The following KCNT2 variants were observed in gnomAD, a reference collection of about 807,000 sequenced individuals.
The protein encoded by KCNT2 is potassium sodium-activated channel subfamily T member 2, also known as potassium channel subfamily T member 2.
A neutral mutation model predicts 153.8 loss-of-function variants in KCNT2; 67 were observed. The ratio of observed to expected loss-of-function variants is 0.44; its 90% CI spans 0.36 to 0.53. The LOEUF (loss-of-function observed/expected upper bound fraction) is 0.53. Ranked by LOEUF, KCNT2 falls within the 20% of genes least tolerant of loss-of-function variation. The probability of loss-of-function intolerance (pLI) is 0.00; values close to 1 mark genes in which losing one functional copy is unlikely to be tolerated. For synonymous variants in KCNT2, 500 were observed against 458.8 expected (o/e 1.09, Z -1.15); for missense variants, 975 against 1,354.8 (o/e 0.72, Z 4.40).
chr1:196,365,007 T>G (rs999336629), intron 14 of KCNT2, among the ~76,000 whole-genome samples: 1 of 152,076 alleles, frequency 6.6e-6, no homozygotes, highest in Non-Finnish European at 1.5e-5. Flanking sequence ...TTGGAATTCT[T>G]AAATCTTTTC....
chr1:196,269,602 C>T (rs1471587670), intron 25 of KCNT2, among the ~76,000 whole-genome samples: 1 of 152,000 alleles, frequency 6.6e-6, no homozygotes, highest in Admixed American at 6.6e-5. Context: ...AAGTCTTTTT[C>T]TTGGAATGAA....
At chr1:196,437,216 T>A (rs1674777923) in intron 8 of KCNT2, among the ~76,000 whole-genome samples, 1 of 113,242 alleles carries the variant, frequency 8.8e-6, no homozygotes, top group African/African-American at 3.3e-5. Flanking sequence ...CAAAACCAAG[T>A]ATTTTAAGAA....
intron 22 of KCNT2, among the ~76,000 whole-genome samples, chr1:196,293,431 G>A (rs1401064268): frequency 6.6e-6 from 1 of 152,140 alleles, no homozygotes; most frequent in Non-Finnish European, 1.5e-5. Flanking sequence ...TAGATAGAAT[G>A]GTACTGGCAT....
chr1:196,377,968 A>G (rs1478265049), intron 13 of KCNT2, among the ~76,000 whole-genome samples: 1 of 152,098 alleles, frequency 6.6e-6, no homozygotes, highest in Non-Finnish European at 1.5e-5. Flanking sequence ...CAGGGCAACA[A>G]AATCCAGTAA....
At chr1:196,496,722 C>T (rs537795956) in intron 1 of KCNT2, among the ~76,000 whole-genome samples, 4 of 152,318 alleles carry the variant, frequency 2.6e-5, no homozygotes, top group South Asian at 2.1e-4. Flanking sequence ...CCCATCCTAG[C>T]AGCTCAAGGG....
intron 8 of KCNT2, among the ~76,000 whole-genome samples, chr1:196,452,658 AATACAGAAGG>A (rs1353572195): frequency 6.6e-6 from 1 of 151,978 alleles, no homozygotes; most frequent in Non-Finnish European, 1.5e-5. Context: ...GGCAGACTGG[AATACAGAAGG>A]AAGAGTGTTA....
intron 26 of KCNT2, among the ~76,000 whole-genome samples, chr1:196,248,128 T>C (rs940439784): frequency 6.6e-6 from 1 of 151,876 alleles, no homozygotes; most frequent in Non-Finnish European, 1.5e-5. Context: ...ATACCAAAAA[T>C]CTATGGGGTA....
intron 27 of KCNT2, among the ~76,000 whole-genome samples, chr1:196,228,837 T>G: frequency 6.6e-6 from 1 of 152,094 alleles, no homozygotes; most frequent in East Asian, 1.9e-4. Flanking sequence ...TATAGTCTTT[T>G]CAATTTAAAT....
chr1:196,526,258 TATAA>T (rs1654188426), intron 1 of KCNT2, among the ~76,000 whole-genome samples: 1 of 151,576 alleles, frequency 6.6e-6, no homozygotes, highest in Non-Finnish European at 1.5e-5. Flanking sequence ...CTATGATATA[TATAA>T]ACATACATAC....
intron 25 of KCNT2, among the ~76,000 whole-genome samples, chr1:196,278,944 C>T (rs1444511811): frequency 6.6e-6 from 1 of 152,184 alleles, no homozygotes; most frequent in Non-Finnish European, 1.5e-5. Flanking sequence ...TAAAAGAGGA[C>T]TCAGAGAGAT....
intron 8 of KCNT2, among the ~76,000 whole-genome samples, chr1:196,459,906 G>T (rs1352751702): frequency 2.0e-5 from 3 of 151,682 alleles, no homozygotes; most frequent in Non-Finnish European, 2.9e-5. Flanking sequence ...CCAAATCAGG[G>T]AAACTGATTT....
intron 19 of KCNT2, among the ~76,000 whole-genome samples, chr1:196,322,692 G>C (rs145212230): frequency 6.6e-6 from 1 of 151,768 alleles, no homozygotes; most frequent in Non-Finnish European, 1.5e-5. Context: ...CCATTATTTT[G>C]TTCCCATTTA....
intron 20 of KCNT2, among the ~76,000 whole-genome samples, chr1:196,318,631 T>C (rs899314826): frequency 1.3e-5 from 2 of 151,846 alleles, no homozygotes; most frequent in African/African-American, 4.8e-5. Context: ...TACATCTAAC[T>C]ACAGTTTATT....
chr1:196,383,960 G>A (rs1044812573), intron 13 of KCNT2, among the ~76,000 whole-genome samples: 5 of 152,020 alleles, frequency 3.3e-5, no homozygotes, highest in Admixed American at 6.6e-5. Flanking sequence ...ATCACAAAAC[G>A]CTGTAATTCT....
At position 196,282,419 on chromosome 1, in the gene KCNT2, G is replaced by A. The variant is rs1659199395; in HGVS notation, c.2698-63C>T. On this transcript the variant is annotated intron_variant, in intron 23 of 27. Transcript: ENST00000294725. ...TTTATATATAATGTGTATGAGATGT[G>A]TAGAACAGCTAAAAGTGTGAACATC... 3 of 782,144 alleles carry A rather than the reference G, an allele frequency of 3.8e-6. No homozygotes were observed. The South Asian group carries it at 5.1e-5, about 13-fold the overall frequency. The allele number at this position is 782,144 out of a possible 1,614,324, so 48.5% of individuals were successfully genotyped here.
Position 196,440,935 on chromosome 1 carries a change from G to A in KCNT2, c.639-11178C>T, listed in dbSNP as rs564130254. Reference sequence around the variant, plus strand: ...ACCTTGAGAACTCCTGACAAAGTACGGTCTATACATACAGACCCACAGCAG... The same window carrying A: ...ACCTTGAGAACTCCTGACAAAGTACAGTCTATACATACAGACCCACAGCAG... On this transcript the variant is annotated intron_variant, in intron 8 of 27. Transcript: ENST00000294725. Among the ~76,000 whole-genome samples the A allele has an allele frequency of 5.3e-5, 8 of 151,628 alleles. 2 individuals carry two copies. The highest frequency in any genetic ancestry group is 1.7e-4 in the African/African-American group (7 of 41,380).
At chr1:196,426,316 C>A (rs1429488563) in intron 10 of KCNT2, among the ~76,000 whole-genome samples, 2 of 151,930 alleles carry the variant, frequency 1.3e-5, no homozygotes, top group African/African-American at 4.8e-5. Context: ...ACAGACTGAT[C>A]CTAAAATATA....
chr1:196,298,916 TTA>T (rs1287314983), intron 22 of KCNT2, among the ~76,000 whole-genome samples: 5 of 151,444 alleles, frequency 3.3e-5, no homozygotes, highest in African/African-American at 1.2e-4. Flanking sequence ...TTTATTTTTA[TTA>T]TACCAGCTAG....
chr1:196,231,239 A>G (rs1479151164), intron 27 of KCNT2, among the ~76,000 whole-genome samples: 1 of 151,864 alleles, frequency 6.6e-6, no homozygotes, highest in Non-Finnish European at 1.5e-5. Flanking sequence ...TTGCACACTT[A>G]GTAGACTAAA....
Sources: gnomAD v4.1 joint callset for allele counts (sites outside exome capture counted in the v4.1 genomes callset) on GRCh38, gnomAD v4.1.1 for gene constraint, MANE v1.5 for transcripts, NCBI Gene and HGNC (gene_info 2026-07-23, HGNC 2026-07-21) for gene names.